STOM: variants seen among roughly 807,000 people sequenced by gnomAD.
The protein encoded by STOM is stomatin, also known as erythrocyte band 7 integral membrane protein.
Under a neutral mutation model 30.6 loss-of-function variants are expected in STOM, and 25 were observed. The observed-to-expected ratio is 0.82, with a 90% CI of 0.60 to 1.14. STOM has a LOEUF of 1.14. Ranked by LOEUF, STOM falls within the 50% of genes most tolerant of loss-of-function variation. The probability of loss-of-function intolerance (pLI) is 0.00; values close to 1 mark genes in which losing one functional copy is unlikely to be tolerated. For missense variants in STOM, 292 were observed against 365.2 expected (o/e 0.80, Z 1.63); for synonymous variants, 118 against 130.8 (o/e 0.90, Z 0.67).
rs755999159 is a variant in STOM, at chr9:121,348,000, T to A, written c.660+15A>T. Reference sequence around the variant, plus strand: ...GAAAACTCAGTAAGAAAAACAAGTTTAAAAAAAAAGTTACCTTGGCGCGGG... The same window carrying A: ...GAAAACTCAGTAAGAAAAACAAGTTAAAAAAAAAAGTTACCTTGGCGCGGG... On this transcript the variant is annotated intron_variant, in intron 6 of 6. Coordinates refer to ENST00000286713, the MANE Select transcript of STOM (RefSeq NM_004099.6). 3 of 1,582,082 alleles carry A rather than the reference T, an allele frequency of 1.9e-6. No individual in the cohort carries two copies. The highest frequency in any genetic ancestry group is 2.6e-6 in the Non-Finnish European group (3 of 1,166,454).
At chr9:121,351,951 T>C (rs2064343382) in intron 4 of STOM, among the ~76,000 whole-genome samples, 1 of 152,098 alleles carries the variant, frequency 6.6e-6, no homozygotes, top group Non-Finnish European at 1.5e-5. Flanking sequence ...AGAAAAAAAA[T>C]AATGAACTAA....
At chr9:121,361,800 GCA>G (rs2064455773) in intron 1 of STOM, among the ~76,000 whole-genome samples, 1 of 152,148 alleles carries the variant, frequency 6.6e-6, no homozygotes, top group Non-Finnish European at 1.5e-5. Context: ...AACCTTTTTG[GCA>G]CCAGGGACCA....
Position 121,339,731 on chromosome 9 carries a change from C to T in STOM, c.*1471G>A, listed in dbSNP as rs2064229737. On this transcript the variant is annotated 3_prime_UTR_variant, in exon 7 of 7. Coordinates refer to ENST00000286713, the MANE Select transcript of STOM (RefSeq NM_004099.6). Reference sequence around the variant, plus strand: ...GACATTTGCAAAACAGAAGATGTCTCCTAATATTATAGACTAAGAATTTGT... The same window carrying T: ...GACATTTGCAAAACAGAAGATGTCTTCTAATATTATAGACTAAGAATTTGT... 8.1e-7 allele frequency: 1 copy of T among 1,229,694 alleles called. No homozygotes were observed. The highest frequency in any genetic ancestry group is 1.0e-6 in the Non-Finnish European group (1 of 986,948). 76.2% of individuals were successfully genotyped at this position (1,229,694 alleles called of 1,614,324 possible).
intron 6 of STOM, among the ~76,000 whole-genome samples, chr9:121,344,969 T>C (rs1448977480): frequency 6.6e-6 from 1 of 152,200 alleles, no homozygotes; most frequent in Non-Finnish European, 1.5e-5. Flanking sequence ...TCTGTCCTCT[T>C]CTGTGACCGG....
At chr9:121,356,222 C>A in intron 1 of STOM, 66 bp from the exon 2 acceptor site, 1 of 1,374,560 alleles carries the variant, frequency 7.3e-7, no homozygotes, top group East Asian at 2.4e-5. Context: ...CATCTTCATC[C>A]TTACCATTCG....
At chr9:121,369,402 A>T (rs765427965) in intron 1 of STOM, among the ~76,000 whole-genome samples, 1 of 148,736 alleles carries the variant, frequency 6.7e-6, no homozygotes, top group African/African-American at 2.5e-5. Context: ...CCCCCTCCCC[A>T]GAGTACCAGT....
At chr9:121,348,408 ATT>A (rs2064308485) in intron 5 of STOM, among the ~76,000 whole-genome samples, 1 of 152,200 alleles carries the variant, frequency 6.6e-6, no homozygotes, top group Non-Finnish European at 1.5e-5. Context: ...TGTCTCAACT[ATT>A]TAACCCAGCT....
At position 121,339,634 on chromosome 9, in the gene STOM, G is replaced by A; in HGVS notation, c.*1568C>T. 8.1e-7 allele frequency: 1 copy of A among 1,231,658 alleles called. No homozygotes were observed. Among genetic ancestry groups the A allele is most frequent in the South Asian group, 4.1e-5 (1 of 24,310 alleles). The allele number at this position is 1,231,658 out of a possible 1,614,324, so 76.3% of individuals were successfully genotyped here. A position where few individuals can be genotyped will look rare whatever the true frequency, so the allele number is the denominator to read the frequency against. ...CTCTAGGTGAACTCAGAGTCTCAAA[G>A]AGGAAATGTTACAAATGTCACCCGC... On this transcript the variant is annotated 3_prime_UTR_variant, in exon 7 of 7. Transcript: ENST00000286713.
At chr9:121,344,816 C>T (rs2064275938) in intron 6 of STOM, among the ~76,000 whole-genome samples, 1 of 152,180 alleles carries the variant, frequency 6.6e-6, no homozygotes, top group Admixed American at 6.5e-5. Context: ...AGCCCAAAAG[C>T]ATGTGCCAGG....
intron 3 of STOM, among the ~76,000 whole-genome samples, chr9:121,354,098 T>C (rs1274034502): frequency 6.6e-6 from 1 of 152,214 alleles, no homozygotes; most frequent in East Asian, 1.9e-4. Context: ...TGGAACACAG[T>C]AGGAGCTTAA....
intron 5 of STOM, among the ~76,000 whole-genome samples, chr9:121,348,490 C>T (rs2064309294): frequency 6.6e-6 from 1 of 152,208 alleles, no homozygotes; most frequent in Non-Finnish European, 1.5e-5. Flanking sequence ...TCAAACTTTA[C>T]TTACAAAAAC....
chr9:121,361,218 C>T (rs1251599863), intron 1 of STOM, among the ~76,000 whole-genome samples: 1 of 152,050 alleles, frequency 6.6e-6, no homozygotes, highest in Non-Finnish European at 1.5e-5. Flanking sequence ...CCTTAGTCAT[C>T]TACCACTTCT....
intron 4 of STOM, among the ~76,000 whole-genome samples, chr9:121,351,089 C>G (rs1283751655): frequency 6.6e-6 from 1 of 152,132 alleles, no homozygotes; most frequent in Non-Finnish European, 1.5e-5. Flanking sequence ...CACAGGGGAT[C>G]AGAAAAAGGA....
Position 121,354,670 on chromosome 9 carries a change from T to C in STOM, c.169A>G (p.Ile57Val). 6.3e-7 allele frequency: 1 copy of C among 1,598,176 alleles called. No individual in the cohort carries two copies. The highest frequency in any genetic ancestry group is 8.5e-7 in the Non-Finnish European group (1 of 1,171,066). The change falls in exon 3 of 7, where the codon ATA becomes GTA. Residue 57 changes from isoleucine to valine, a missense_variant. Physicochemically the swap from Ile to Val is conservative, Grantham distance 29. Coordinates refer to ENST00000286713, the MANE Select transcript of STOM (RefSeq NM_004099.6). ...ATGATGGCTCTTTCATACTCTTTTATAATCTAGAATAAAAACATGAATAAT... is the reference window on the plus strand; with the variant it reads ...ATGATGGCTCTTTCATACTCTTTTACAATCTAGAATAAAAACATGAATAAT... ...PISIWMCIKI[I>V]KEYERAIIFR...
At chr9:121,368,038 G>A (rs2064522214) in intron 1 of STOM, among the ~76,000 whole-genome samples, 1 of 152,120 alleles carries the variant, frequency 6.6e-6, no homozygotes, top group South Asian at 2.1e-4. Context: ...GATAATGTTT[G>A]TAAAGCACTT....
intron 1 of STOM, 76 bp from the exon 2 acceptor site, chr9:121,356,232 G>T: frequency 8.1e-7 from 1 of 1,231,324 alleles, no homozygotes; most frequent in Non-Finnish European, 1.2e-6. Flanking sequence ...CTTACCATTC[G>T]CTGAATACCT....
intron 3 of STOM, among the ~76,000 whole-genome samples, chr9:121,353,519 T>C (rs192175899): frequency 6.6e-6 from 1 of 152,344 alleles, no homozygotes; most frequent in Non-Finnish European, 1.5e-5. Context: ...CTTAATCTAC[T>C]GTTGCTATCA....
intron 1 of STOM, chr9:121,369,901 T>C: frequency 2.0e-6 from 1 of 500,612 alleles, no homozygotes; most frequent in Non-Finnish European, 3.6e-6. Context: ...CCAGGGCCCG[T>C]GCGATGGGAA....
In STOM at chr9:121,340,243, T is replaced by G. The variant is rs911551055; in HGVS notation, c.*959A>C. The G allele has an allele frequency of 2.0e-6, 2 of 985,224 alleles. No individual in the cohort carries two copies. Among genetic ancestry groups the G allele is most frequent in the African/African-American group, 3.5e-5 (2 of 57,226 alleles). The allele number at this position is 985,224 out of a possible 1,614,324, so 61.0% of individuals were successfully genotyped here. A position where few individuals can be genotyped will look rare whatever the true frequency, so the allele number is the denominator to read the frequency against. On this transcript the variant is annotated 3_prime_UTR_variant, in exon 7 of 7. Coordinates refer to ENST00000286713, the MANE Select transcript of STOM (RefSeq NM_004099.6). ...AAGAAGGCTCAAATAAGTTAAAACA[T>G]GGATGTATTTTTAAAATGACCACTC...
Sources: gnomAD v4.1 joint callset for allele counts (sites outside exome capture counted in the v4.1 genomes callset) on GRCh38, gnomAD v4.1.1 for gene constraint, MANE v1.5 for transcripts, NCBI Gene and HGNC (gene_info 2026-07-23, HGNC 2026-07-21) for gene names.